The following CCSER1 variants were observed in gnomAD, a reference collection of about 807,000 sequenced individuals.
The protein encoded by CCSER1 is coiled-coil serine rich protein 1, also known as serine-rich coiled-coil domain-containing protein 1.
CCSER1 carries 41 observed loss-of-function variants against 82.0 expected under a neutral mutation model. The ratio of observed to expected loss-of-function variants is 0.50; its 90% CI spans 0.39 to 0.65. The LOEUF (loss-of-function observed/expected upper bound fraction) is 0.65. Ranked by LOEUF, CCSER1 falls within the 30% of genes least tolerant of loss-of-function variation. The pLI is 0.00. For synonymous variants in CCSER1, 414 were observed against 383.9 expected (o/e 1.08, Z -0.92); for missense variants, 1,119 against 1,064.2 (o/e 1.05, Z -0.72).
intron 9 of CCSER1, among the ~76,000 whole-genome samples, chr4:90,928,328 G>A (rs1266749109): frequency 6.6e-6 from 1 of 151,972 alleles, no homozygotes; most frequent in African/African-American, 2.4e-5. Flanking sequence ...ACATGTAATG[G>A]AGTCACATCT....
chr4:90,734,121 T>A (rs116301105), intron 7 of CCSER1, among the ~76,000 whole-genome samples: 10,930 of 151,486 alleles, frequency 0.072, 574 homozygotes, highest in Admixed American at 0.16. Flanking sequence ...TAATTTAATT[T>A]AATTAATTAA....
At chr4:91,446,952 G>C (rs1386765175) in intron 10 of CCSER1, among the ~76,000 whole-genome samples, 1 of 152,036 alleles carries the variant, frequency 6.6e-6, no homozygotes, top group Non-Finnish European at 1.5e-5. Flanking sequence ...TGGAGATGGA[G>C]TGTTATAGGA....
intron 3 of CCSER1, among the ~76,000 whole-genome samples, chr4:90,331,824 T>C (rs1739336966): frequency 6.6e-6 from 1 of 152,154 alleles, no homozygotes; most frequent in South Asian, 2.1e-4. Flanking sequence ...GACAGCTTTT[T>C]TTTTTTTTTA....
intron 5 of CCSER1, among the ~76,000 whole-genome samples, chr4:90,599,506 A>G (rs1453615226): frequency 6.6e-6 from 1 of 152,154 alleles, no homozygotes; most frequent in African/African-American, 2.4e-5. Flanking sequence ...AGTCTTAGGT[A>G]GTATCTCCAT....
intron 7 of CCSER1, among the ~76,000 whole-genome samples, chr4:90,742,602 A>G: frequency 6.6e-6 from 1 of 152,094 alleles, no homozygotes; most frequent in East Asian, 1.9e-4. Context: ...TTGATTTTGG[A>G]CTTCCCAGCC....
chr4:91,541,779 T>C (rs1560749765), intron 10 of CCSER1, among the ~76,000 whole-genome samples: 1 of 152,140 alleles, frequency 6.6e-6, no homozygotes, highest in Non-Finnish European at 1.5e-5. Flanking sequence ...TATTTCTAGT[T>C]CTAGATCCCT....
intron 8 of CCSER1, among the ~76,000 whole-genome samples, chr4:90,887,833 G>T (rs771796366): frequency 1.3e-5 from 2 of 152,130 alleles, no homozygotes; most frequent in Non-Finnish European, 2.9e-5. Context: ...AGTGAGCTGA[G>T]ATCGCGCCAC....
chr4:91,128,167 C>G (rs746287052), intron 10 of CCSER1, among the ~76,000 whole-genome samples: 1 of 151,986 alleles, frequency 6.6e-6, no homozygotes, highest in Non-Finnish European at 1.5e-5. Context: ...CTGCTTCTAC[C>G]CAGGCCCACG....
chr4:91,140,396 TA>T (rs1303705653), intron 10 of CCSER1, among the ~76,000 whole-genome samples: 1 of 152,058 alleles, frequency 6.6e-6, no homozygotes, highest in Non-Finnish European at 1.5e-5. Flanking sequence ...ACTCCAATTA[TA>T]AAACTGTTTT....
At chr4:90,324,359 A>G (rs1737728630) in intron 3 of CCSER1, among the ~76,000 whole-genome samples, 1 of 144,412 alleles carries the variant, frequency 6.9e-6, no homozygotes, top group Admixed American at 6.9e-5. Context: ...AATGATTGCC[A>G]TTCTAACTGG....
At chr4:90,793,632 A>G (rs1264601641) in intron 7 of CCSER1, among the ~76,000 whole-genome samples, 1 of 152,188 alleles carries the variant, frequency 6.6e-6, no homozygotes, top group Non-Finnish European at 1.5e-5. Context: ...TGCAATGAAC[A>G]TATGTGTGCA....
chr4:90,827,502 A>G (rs981458095), intron 8 of CCSER1, among the ~76,000 whole-genome samples: 4 of 152,164 alleles, frequency 2.6e-5, no homozygotes, highest in African/African-American at 7.2e-5. Flanking sequence ...TTTTAGAGGA[A>G]TCACCTACAG....
chr4:91,574,627 C>A (rs1213507052), intron 10 of CCSER1, among the ~76,000 whole-genome samples: 1 of 151,916 alleles, frequency 6.6e-6, no homozygotes. Flanking sequence ...TTATCCTAAG[C>A]AAATTATTGC....
intron 4 of CCSER1, among the ~76,000 whole-genome samples, chr4:90,442,251 C>T (rs963236347): frequency 2.0e-5 from 3 of 152,172 alleles, no homozygotes; most frequent in African/African-American, 7.2e-5. Flanking sequence ...ATCTCCCTCA[C>T]TGTCACAGTC....
At chr4:90,363,466 T>C (rs1294401792) in intron 3 of CCSER1, among the ~76,000 whole-genome samples, 2 of 152,056 alleles carry the variant, frequency 1.3e-5, no homozygotes, top group African/African-American at 2.4e-5. Flanking sequence ...ACCAGATCTG[T>C]TGGGGGGTTC....
At chr4:90,498,742 C>CT (rs1263991432) in intron 5 of CCSER1, among the ~76,000 whole-genome samples, 1 of 152,076 alleles carries the variant, frequency 6.6e-6, no homozygotes, top group Non-Finnish European at 1.5e-5. Flanking sequence ...GCCTCATATT[C>CT]TTTAAGTCTT....
chr4:90,328,249 G>A (rs1275515464), intron 3 of CCSER1, among the ~76,000 whole-genome samples: 1 of 152,018 alleles, frequency 6.6e-6, no homozygotes, highest in Non-Finnish European at 1.5e-5. Flanking sequence ...TCCATAGGGA[G>A]AATAGCCAAA....
At chr4:90,137,757 T>C (rs906064019) in intron 1 of CCSER1, among the ~76,000 whole-genome samples, 3 of 152,200 alleles carry the variant, frequency 2.0e-5, no homozygotes, top group African/African-American at 7.2e-5. Flanking sequence ...TACTAGATCT[T>C]GCTGACCTCT....
At chr4:91,538,694 T>TAC (rs202144202) in intron 10 of CCSER1, among the ~76,000 whole-genome samples, 1 of 40,942 alleles carries the variant, frequency 2.4e-5, no homozygotes, top group Non-Finnish European at 5.6e-5. Context: ...ATATTATATA[T>TAC]ACACATATAT....
Sources: gnomAD v4.1 joint callset for allele counts (sites outside exome capture counted in the v4.1 genomes callset) on GRCh38, gnomAD v4.1.1 for gene constraint, MANE v1.5 for transcripts, NCBI Gene and HGNC (gene_info 2026-07-23, HGNC 2026-07-21) for gene names.